The following ZNF366 variants were observed in gnomAD, a reference collection of about 807,000 sequenced individuals.
The protein encoded by ZNF366 is zinc finger protein 366.
A neutral mutation model predicts 47.2 loss-of-function variants in ZNF366; 20 were observed. The observed-to-expected ratio is 0.42, with a 90% CI of 0.30 to 0.62. The LOEUF (loss-of-function observed/expected upper bound fraction) is 0.62, where lower values mean the gene tolerates loss of function less well. Ranked by LOEUF, ZNF366 falls within the 20% of genes least tolerant of loss-of-function variation. ZNF366 has a pLI of 0.16. For missense variants in ZNF366, 987 were observed against 976.3 expected, an observed-to-expected ratio of 1.01 and a Z score of -0.15; for synonymous variants, 421 against 395.1, an observed-to-expected ratio of 1.07 and a Z score of -0.78.
chr5:72,491,337 T>C (rs958895374), intron 1 of ZNF366, among the ~76,000 whole-genome samples: 3 of 152,196 alleles, frequency 2.0e-5, no homozygotes, highest in Non-Finnish European at 4.4e-5. Flanking sequence ...CATGTGATTA[T>C]TTGGGAGAAG....
At chr5:72,504,601 CAG>C (rs1744285682) in intron 1 of ZNF366, among the ~76,000 whole-genome samples, 1 of 152,168 alleles carries the variant, frequency 6.6e-6, no homozygotes, top group African/African-American at 2.4e-5. Flanking sequence ...TATCTTCACT[CAG>C]TGTGTGCCCA....
chr5:72,481,891 T>A (rs1743795940), intron 1 of ZNF366, among the ~76,000 whole-genome samples: 1 of 152,184 alleles, frequency 6.6e-6, no homozygotes, highest in Non-Finnish European at 1.5e-5. Flanking sequence ...AATTATAGAA[T>A]GTTTAGTGCA....
rs573802912 is a variant in ZNF366 at position 72,460,534 on chromosome 5, G to T, written c.963C>A (p.Thr321=). The change falls in exon 2 of 5, where the codon ACC becomes ACA. Residue 321 remains threonine (T), a synonymous_variant. Transcript: ENST00000318442. ...CQVCHKAFTQ[T]SHLKRHMMQH... is the part of the protein sequence containing the mutation. The stretch of plus-strand genomic sequence containing the variant: ...GCATCATGTGGCGCTTCAGGTGGCT[G>T]GTCTGGGTGAAGGCCTTGTGGCACA... 2.5e-6 allele frequency: 4 copies of T among 1,614,122 alleles called. No individual in the cohort carries two copies. The highest frequency in any genetic ancestry group is 3.3e-4 in the Middle Eastern group (2 of 6,062).
intron 1 of ZNF366, among the ~76,000 whole-genome samples, chr5:72,481,951 G>A (rs1328362464): frequency 6.6e-6 from 1 of 152,152 alleles, no homozygotes; most frequent in Middle Eastern, 3.2e-3. Flanking sequence ...TCATCCGATA[G>A]AGGCATGGGC....
At chr5:72,456,360 G>T (rs772839622) in intron 3 of ZNF366, 44 bp downstream of exon 3, 1 of 1,546,062 alleles carries the variant, frequency 6.5e-7, no homozygotes, top group Non-Finnish European at 8.8e-7. Context: ...TTCCCATCAG[G>T]CATTTGCACA....
At chr5:72,483,787 C>T (rs756160006) in intron 1 of ZNF366, among the ~76,000 whole-genome samples, 1 of 152,108 alleles carries the variant, frequency 6.6e-6, no homozygotes, top group Non-Finnish European at 1.5e-5. Context: ...GAATGATGGG[C>T]CTGGGGCTTC....
At chr5:72,466,627 C>A (rs1441185841) in intron 1 of ZNF366, among the ~76,000 whole-genome samples, 1 of 152,188 alleles carries the variant, frequency 6.6e-6, no homozygotes, top group South Asian at 2.1e-4. Context: ...AGTAGATGCC[C>A]AATCAACTGC....
intron 3 of ZNF366, 55 bp from the exon 4 acceptor site, chr5:72,447,472 C>T (rs1027017115): frequency 1.3e-6 from 2 of 1,596,536 alleles, no homozygotes; most frequent in Non-Finnish European, 1.7e-6. Context: ...AAGCCCCATC[C>T]AGGCCCCTGG....
intron 2 of ZNF366, among the ~76,000 whole-genome samples, chr5:72,458,654 C>T (rs1483089615): frequency 6.6e-6 from 1 of 152,184 alleles, no homozygotes; most frequent in Non-Finnish European, 1.5e-5. Flanking sequence ...GTCAGAGATT[C>T]CTGAGTGACC....
chr5:72,476,556 T>C (rs756651091), intron 1 of ZNF366, among the ~76,000 whole-genome samples: 5 of 152,156 alleles, frequency 3.3e-5, no homozygotes, highest in South Asian at 2.1e-4. Flanking sequence ...CCACCCAGGA[T>C]ACTAATGGTG....
In ZNF366 at chr5:72,440,737, A is replaced by G. The variant is rs904509768; in HGVS notation, c.*3019T>C. The G allele has an allele frequency of 1.3e-5, 2 of 152,232 alleles. No homozygotes were observed. The highest frequency in any genetic ancestry group is 2.9e-5 in the Non-Finnish European group (2 of 68,054). The allele number at this position is 152,232 out of a possible 1,614,324, so 9.4% of individuals were successfully genotyped here. A position where few individuals can be genotyped will look rare whatever the true frequency, so the allele number is the denominator to read the frequency against. ...ACACTTGAATAATTATCCTGGGACA[A>G]CAGGTCTAAACCACGATCATCCCAG... On this transcript the variant is annotated 3_prime_UTR_variant, in exon 5 of 5. Transcript: ENST00000318442.
At chr5:72,494,746 C>T (rs1328749230) in intron 1 of ZNF366, among the ~76,000 whole-genome samples, 9 of 151,740 alleles carry the variant, frequency 5.9e-5, no homozygotes, top group African/African-American at 1.2e-4. Context: ...GAAACAGGGG[C>T]GTGCACATAT....
intron 1 of ZNF366, among the ~76,000 whole-genome samples, chr5:72,488,401 A>T (rs549665781): frequency 8.5e-5 from 13 of 152,146 alleles, no homozygotes; most frequent in African/African-American, 3.1e-4. Flanking sequence ...ATTTGGGAAC[A>T]TCCCTTTCCC....
chr5:72,460,723 G>T lies in ZNF366; in HGVS notation c.774C>A (p.Cys258Ter), dbSNP rs543726776. 1 of 1,614,220 alleles carries T rather than the reference G, an allele frequency of 6.2e-7. No homozygotes were observed. The highest frequency in any genetic ancestry group is 8.5e-7 in the Non-Finnish European group (1 of 1,180,042). Residue 258 changes from cysteine (C) to a stop codon, truncating the protein, a stop_gained, in exon 2 of 5, where the codon TGC becomes TGA. Transcript: ENST00000318442. LOFTEE classifies it high-confidence loss of function. ...GSQKRWQCPT[C>*]EKSYTSKYNL... ...TGTACTTGGAGGTGTAGGACTTCTC[G>T]CAGGTGGGGCACTGCCAGCGCTTCT...
chr5:72,474,844 A>G (rs559625225), intron 1 of ZNF366, among the ~76,000 whole-genome samples: 6 of 152,314 alleles, frequency 3.9e-5, no homozygotes, highest in Non-Finnish European at 8.8e-5. Context: ...GAATCCACTT[A>G]CTATTTGGAA....
intron 1 of ZNF366, among the ~76,000 whole-genome samples, chr5:72,467,649 A>T (rs914782034): frequency 6.6e-6 from 1 of 152,164 alleles, no homozygotes; most frequent in Admixed American, 6.5e-5. Flanking sequence ...CTCCTCCACC[A>T]CACTGACTTC....
chr5:72,456,478 TG>T lies in ZNF366; in HGVS notation c.1449del (p.Tyr483Ter), dbSNP rs1281528207. 6.2e-7 allele frequency: 1 copy of T among 1,613,976 alleles called. No homozygotes were observed. The highest frequency in any genetic ancestry group is 8.5e-7 in the Non-Finnish European group (1 of 1,179,852). ...NIRAYQCHLC[Y>X]KSFVQKQTLK... ...AGGGTCTGCTTCTGCACGAAGCTCTTGTAGCAGAGGTGACACTGGTAGGCGC... is the reference window on the plus strand; with the variant it reads ...AGGGTCTGCTTCTGCACGAAGCTCTTTAGCAGAGGTGACACTGGTAGGCGC... On this transcript the variant is annotated frameshift_variant, in exon 3 of 5. Coordinates refer to ENST00000318442, the MANE Select transcript of ZNF366 (RefSeq NM_152625.3). LOFTEE classifies it high-confidence loss of function.
chr5:72,444,122 A>G lies in ZNF366; in HGVS notation c.1869T>C (p.Asp623=). Reference sequence around the variant, plus strand: ...TGTAGGGCTCCACCTCGTAGCAGTTATCCTCCTCTTCCTCCTCGTGGCAGT... The same window carrying G: ...TGTAGGGCTCCACCTCGTAGCAGTTGTCCTCCTCTTCCTCCTCGTGGCAGT... ...GSHCHEEEEE[D]NCYEVEPYSP... Residue 623 remains aspartate (D), a synonymous_variant, in exon 5 of 5, where the codon GAT becomes GAC. Coordinates refer to ENST00000318442, the MANE Select transcript of ZNF366 (RefSeq NM_152625.3). The G allele has an allele frequency of 2.5e-6, 4 of 1,613,970 alleles. No individual in the cohort carries two copies. The highest frequency in any genetic ancestry group is 3.4e-6 in the Non-Finnish European group (4 of 1,180,012).
At chr5:72,487,320 C>A (rs373916636) in intron 1 of ZNF366, among the ~76,000 whole-genome samples, 1 of 152,170 alleles carries the variant, frequency 6.6e-6, no homozygotes, top group African/African-American at 2.4e-5. Context: ...GGATTGGACC[C>A]CAGCAAGGTT....
Sources: gnomAD v4.1 joint callset for allele counts (sites outside exome capture counted in the v4.1 genomes callset) on GRCh38, gnomAD v4.1.1 for gene constraint, MANE v1.5 for transcripts, NCBI Gene and HGNC (gene_info 2026-07-23, HGNC 2026-07-21) for gene names.